The following UNC13C variants were observed in gnomAD, a reference collection of about 807,000 sequenced individuals.
UNC13C encodes protein unc-13 homolog C.
UNC13C carries 174 observed loss-of-function variants against 245.4 expected under a neutral mutation model. The ratio of observed to expected loss-of-function variants is 0.71; its 90% CI spans 0.63 to 0.80. The LOEUF (loss-of-function observed/expected upper bound fraction) is 0.80, where lower values mean the gene tolerates loss of function less well. Among genes scored for constraint, UNC13C ranks in the 30% least tolerant of loss-of-function variants. The pLI is 0.00. For synonymous variants in UNC13C, 992 were observed against 895.1 expected, an observed-to-expected ratio of 1.11 and a Z score of -1.93; for missense variants, 2,829 against 2,602.9, an observed-to-expected ratio of 1.09 and a Z score of -1.89.
chr15:54,158,279 C>T (rs1266862821), intron 4 of UNC13C, among the ~76,000 whole-genome samples: 1 of 152,224 alleles, frequency 6.6e-6, no homozygotes, highest in Non-Finnish European at 1.5e-5. Flanking sequence ...CTGGCAGATG[C>T]TGCCAAACTT....
chr15:54,464,706 T>C lies in UNC13C; in HGVS notation c.4934-29902T>C, dbSNP rs145330450. On this transcript the variant is annotated intron_variant, in intron 19 of 32. Coordinates refer to ENST00000260323, the MANE Select transcript of UNC13C (RefSeq NM_001080534.3). ...ATAGCAGTCACATACATAGAAGAGG[T>C]GGTATTGCTCCAGATAAATTCAGAT... Among the ~76,000 whole-genome samples, 566 of 152,064 alleles carry C rather than the reference T, an allele frequency of 3.7e-3. 3 individuals are homozygous for C. Among genetic ancestry groups the C allele is most frequent in the African/African-American group, 0.013 (542 of 41,532 alleles).
intron 17 of UNC13C, among the ~76,000 whole-genome samples, chr15:54,345,070 C>T (rs1220816731): frequency 3.3e-5 from 5 of 152,146 alleles, no homozygotes; most frequent in South Asian, 4.1e-4. Context: ...GCCTATGTTA[C>T]GCTTCTCACC....
At chr15:54,499,457 T>A (rs753561193) in intron 20 of UNC13C, among the ~76,000 whole-genome samples, 25 of 152,028 alleles carry the variant, frequency 1.6e-4, no homozygotes, top group South Asian at 2.1e-4. Context: ...AATAAAATAG[T>A]CCAGAGGCCA....
At chr15:54,432,959 A>G (rs1392972500) in intron 19 of UNC13C, among the ~76,000 whole-genome samples, 1 of 152,132 alleles carries the variant, frequency 6.6e-6, no homozygotes. Context: ...AGAGAATGCT[A>G]TAAACACCTC....
the UNC13C span, among the ~76,000 whole-genome samples, chr15:53,947,110 C>T: frequency 1.3e-5 from 2 of 152,054 alleles, no homozygotes; most frequent in Non-Finnish European, 2.9e-5. Context: ...GATCTCAAAC[C>T]TATGGTGATG....
At chr15:54,498,556 T>G (rs1894054696) in intron 20 of UNC13C, among the ~76,000 whole-genome samples, 1 of 152,176 alleles carries the variant, frequency 6.6e-6, no homozygotes, top group South Asian at 2.1e-4. Context: ...CAAAATGTTT[T>G]TGAAGTAGAA....
chr15:54,486,710 A>G (rs1057322229), intron 19 of UNC13C, among the ~76,000 whole-genome samples: 1 of 152,200 alleles, frequency 6.6e-6, no homozygotes, highest in Non-Finnish European at 1.5e-5. Flanking sequence ...TTTTATCATT[A>G]TGATCCAGCC....
chr15:53,975,575 C>G (rs1893670281), upstream of UNC13C, among the ~76,000 whole-genome samples: 2 of 152,218 alleles, frequency 1.3e-5, no homozygotes, highest in African/African-American at 2.4e-5. Context: ...AAGGATTCCT[C>G]TATTGCTTAA....
chr15:54,141,533 G>T (rs1364821806), intron 2 of UNC13C, among the ~76,000 whole-genome samples: 1 of 151,918 alleles, frequency 6.6e-6, no homozygotes, highest in African/African-American at 2.4e-5. Flanking sequence ...TTTTAAGGAG[G>T]TTTTGAACAA....
chr15:54,211,209 C>A (rs1453389685), intron 4 of UNC13C, among the ~76,000 whole-genome samples: 1 of 151,994 alleles, frequency 6.6e-6, no homozygotes, highest in Non-Finnish European at 1.5e-5. Flanking sequence ...TGCTGGCTTC[C>A]CTTTCAACTG....
At chr15:54,436,454 C>T (rs2040988592) in intron 19 of UNC13C, among the ~76,000 whole-genome samples, 1 of 151,826 alleles carries the variant, frequency 6.6e-6, no homozygotes, top group African/African-American at 2.4e-5. Flanking sequence ...ATGTGGCACA[C>T]ATACTACACC....
At chr15:54,112,596 A>T (rs1161099117) in intron 2 of UNC13C, among the ~76,000 whole-genome samples, 2 of 152,144 alleles carry the variant, frequency 1.3e-5, no homozygotes, top group Non-Finnish European at 2.9e-5. Context: ...GTCTTTTACT[A>T]TTGTCACATC....
chr15:54,362,142 C>T (rs1202966914), intron 17 of UNC13C, among the ~76,000 whole-genome samples: 1 of 152,194 alleles, frequency 6.6e-6, no homozygotes, highest in Non-Finnish European at 1.5e-5. Context: ...ATCTGTGTAC[C>T]ACTCACTGTG....
At chr15:54,317,768 G>A (rs192404072) in intron 13 of UNC13C, among the ~76,000 whole-genome samples, 6 of 151,830 alleles carry the variant, frequency 4.0e-5, no homozygotes, top group East Asian at 3.9e-4. Flanking sequence ...TTCTCCTAGC[G>A]TTTTTCACAA....
At position 54,015,599 on chromosome 15, in the gene UNC13C, A is replaced by G; in HGVS notation, c.2696A>G (p.Asp899Gly). The G allele has an allele frequency of 6.2e-7, 1 of 1,613,884 alleles. No individual in the cohort carries two copies. Among genetic ancestry groups the G allele is most frequent in the Non-Finnish European group, 8.5e-7 (1 of 1,179,822 alleles). The change falls in exon 2 of 33, where the codon GAT becomes GGT. Residue 899 changes from aspartate (D) to glycine (G), a missense_variant. By Grantham distance (94) the Asp-to-Gly change is moderately conservative. Coordinates refer to ENST00000260323, the MANE Select transcript of UNC13C (RefSeq NM_001080534.3). Reference protein sequence around the residue: ...LENRTSITETDEQMQAYDHLS... With the variant: ...LENRTSITETGEQMQAYDHLS... ...AACAGGACTAGTATTACTGAAACAGATGAACAAATGCAAGCATATGATCAC... is the reference window on the plus strand; with the variant it reads ...AACAGGACTAGTATTACTGAAACAGGTGAACAAATGCAAGCATATGATCAC...
chr15:54,116,624 C>T (rs138124762), intron 2 of UNC13C, among the ~76,000 whole-genome samples: 25 of 152,114 alleles, frequency 1.6e-4, no homozygotes, highest in Admixed American at 3.3e-4. Flanking sequence ...ATTTTCATGA[C>T]TGAATAATTT....
At chr15:54,311,050 C>A (rs1402617941) in intron 13 of UNC13C, among the ~76,000 whole-genome samples, 1 of 151,590 alleles carries the variant, frequency 6.6e-6, no homozygotes, top group East Asian at 1.9e-4. Flanking sequence ...GAGCTACCTT[C>A]CTTAATTTAG....
chr15:54,366,586 T>C (rs1231645430), intron 17 of UNC13C, among the ~76,000 whole-genome samples: 1 of 152,192 alleles, frequency 6.6e-6, no homozygotes, highest in Non-Finnish European at 1.5e-5. Flanking sequence ...GCTAAAATGG[T>C]AAATATTATC....
intron 28 of UNC13C, among the ~76,000 whole-genome samples, chr15:54,553,081 C>CTG (rs1566905722): frequency 3.9e-4 from 33 of 85,620 alleles, no homozygotes; most frequent in East Asian, 3.0e-3. Flanking sequence ...ATATTGTATT[C>CTG]TATATTACAA....
Sources: gnomAD v4.1 joint callset for allele counts (sites outside exome capture counted in the v4.1 genomes callset) on GRCh38, gnomAD v4.1.1 for gene constraint, MANE v1.5 for transcripts, NCBI Gene and HGNC (gene_info 2026-07-23, HGNC 2026-07-21) for gene names.